NR2F2: variants seen among roughly 807,000 people sequenced by gnomAD.
NR2F2 encodes the protein nuclear receptor subfamily 2 group F member 2.
NR2F2 carries 2 observed loss-of-function variants against 34.8 expected under a neutral mutation model. The ratio of observed to expected loss-of-function variants is 0.06; its 90% confidence interval spans 0.02 to 0.18. NR2F2 has a LOEUF of 0.18. NR2F2 is among the 10% of genes least tolerant of loss of function. The pLI is 1.00. For synonymous variants in NR2F2, 274 were observed against 251.8 expected (o/e 1.09, Z -0.84); for missense variants, 300 against 580.1 (o/e 0.52, Z 4.96).
intron 1 of NR2F2, chr15:96,333,429 G>C (rs1395208004): frequency 1.0e-6 from 1 of 1,002,402 alleles, no homozygotes; most frequent in Non-Finnish European, 1.2e-6. Flanking sequence ...AGTGCCGGCC[G>C]CCTGCTCCCT....
chr15:96,331,532 C>T lies in NR2F2; in HGVS notation c.-574C>T, dbSNP rs1460239558. The T allele has an allele frequency of 1.6e-6, 2 of 1,229,528 alleles. No homozygotes were observed. The highest frequency in any genetic ancestry group is 2.0e-6 in the Non-Finnish European group (2 of 986,954). The allele number at this position is 1,229,528 out of a possible 1,614,324, so 76.2% of individuals were successfully genotyped here. On this transcript the variant is annotated 5_prime_UTR_variant, in exon 1 of 3. Transcript: ENST00000394166. ...CCTGGACTTGGCCCCCGGACAGTCG[C>T]CTCTCCTCCTCCTCTACCTCCTCCT...
At chr15:96,326,739 G>C (rs906230903), upstream of NR2F2, among the ~76,000 whole-genome samples, 4 of 152,184 alleles carry the variant, frequency 2.6e-5, no homozygotes, top group South Asian at 2.1e-4. This position sits in a 1 kb window ranked among gnomAD's most constrained non-coding sequence, Gnocchi z 5.5. Context: ...GCAAGCAGCA[G>C]ATGACTCGGT....
intron 2 of NR2F2, among the ~76,000 whole-genome samples, chr15:96,335,172 G>A (rs540445095): frequency 1.3e-5 from 2 of 152,254 alleles, no homozygotes; most frequent in African/African-American, 4.8e-5. Context: ...GATGTGTCAG[G>A]ATGGGGCAAC....
intron 1 of NR2F2, chr15:96,333,614 C>T: frequency 9.8e-7 from 1 of 1,019,374 alleles, no homozygotes; most frequent in Non-Finnish European, 1.2e-6. Flanking sequence ...GTGGGAGAGT[C>T]GTTCCGGAGT....
At chr15:96,332,629 C>T in intron 1 of NR2F2, 82 bp downstream of exon 1, 1 of 1,535,096 alleles carries the variant, frequency 6.5e-7, no homozygotes, top group Non-Finnish European at 8.8e-7. Flanking sequence ...TGGGTAAGGA[C>T]AAGAAGCCCC....
chr15:96,334,944 C>A (rs932258232), intron 2 of NR2F2, among the ~76,000 whole-genome samples: 2 of 152,238 alleles, frequency 1.3e-5, no homozygotes, highest in Non-Finnish European at 2.9e-5. Context: ...TGCTGGGCCC[C>A]AGGGAATCTC....
In NR2F2 at chr15:96,337,628, T is replaced by A. The variant is rs374721232; in HGVS notation, c.*6T>A. Reference sequence around the variant, plus strand: ...CGTATATGGCAATTCAATAAATAAATAAAATAAGAAGGGGGAGTGAAACAG... The same window carrying A: ...CGTATATGGCAATTCAATAAATAAAAAAAATAAGAAGGGGGAGTGAAACAG... On this transcript the variant is annotated 3_prime_UTR_variant, in exon 3 of 3. Transcript: ENST00000394166. 2.5e-6 allele frequency: 4 copies of A among 1,608,462 alleles called. No homozygotes were observed. Among genetic ancestry groups the A allele is most frequent in the Non-Finnish European group, 3.4e-6 (4 of 1,176,564 alleles).
Position 96,332,313 on chromosome 15 carries a change from AAGCAGC to A in NR2F2, c.219_224del (p.Gln74_Gln75del), listed in dbSNP as rs780808943. ...CGGCCCTGGCGGCCCGGGTAGCGACAAGCAGCAGCAGCAGCAACACATCGAGTGCGT... is the reference window on the plus strand; with the variant it reads ...CGGCCCTGGCGGCCCGGGTAGCGACAAGCAGCAGCAACACATCGAGTGCGT... On this transcript the variant is annotated inframe_deletion, in exon 1 of 3. Coordinates refer to ENST00000394166, the MANE Select transcript of NR2F2 (RefSeq NM_021005.4). 1.9e-6 allele frequency: 3 copies of A among 1,589,086 alleles called. No individual in the cohort carries two copies. Among genetic ancestry groups the A allele is most frequent in the African/African-American group, 2.7e-5 (2 of 74,236 alleles).
Position 96,334,407 on chromosome 15 carries a change from G to A in NR2F2, c.774G>A (p.Ala258=). The change falls in exon 2 of 3, where the codon GCG becomes GCA. Residue 258 remains alanine (A), a synonymous_variant. Transcript: ENST00000394166. ...GCGAGCTGTTTGTGTTGAATGCGGCGCAGTGCTCCATGCCCCTCCACGTCG... is the reference window on the plus strand; with the variant it reads ...GCGAGCTGTTTGTGTTGAATGCGGCACAGTGCTCCATGCCCCTCCACGTCG... ...TWSELFVLNA[A]QCSMPLHVAP... is the part of the protein sequence containing the mutation. 1 of 1,614,094 alleles carries A rather than the reference G, an allele frequency of 6.2e-7. No homozygotes were observed. Among genetic ancestry groups the A allele is most frequent in the Non-Finnish European group, 8.5e-7 (1 of 1,180,000 alleles).
rs559195315 is a variant in NR2F2, at chr15:96,338,923, A to T, written c.*1301A>T. The T allele has an allele frequency of 6.9e-6, 1 of 144,910 alleles. No individual in the cohort carries two copies. The highest frequency in any genetic ancestry group is 1.5e-5 in the Non-Finnish European group (1 of 66,424). The allele number at this position is 144,910 out of a possible 1,614,324, so 9.0% of individuals were successfully genotyped here. ...GGGGGGGCATTTGTTTACTCCCCTC[A>T]GTCAGTTTGTTCAAAGGTGGACTAC... On this transcript the variant is annotated 3_prime_UTR_variant, in exon 3 of 3. Transcript: ENST00000394166.
In NR2F2 at chr15:96,332,070, AG is replaced by A. The variant is rs1899163238; in HGVS notation, c.-32del. The A allele has an allele frequency of 1.6e-6, 2 of 1,251,264 alleles. No homozygotes were observed. Among genetic ancestry groups the A allele is most frequent in the Non-Finnish European group, 2.0e-6 (2 of 996,314 alleles). The allele number at this position is 1,251,264 out of a possible 1,614,324, so 77.5% of individuals were successfully genotyped here. ...CGCCGCCCCGCCGCCGCCCGCAGCC[AG>A]GGGAGCAGGAAGTCCGGACGCAGCC... On this transcript the variant is annotated 5_prime_UTR_variant, in exon 1 of 3. Coordinates refer to ENST00000394166, the MANE Select transcript of NR2F2 (RefSeq NM_021005.4).
intron 2 of NR2F2, among the ~76,000 whole-genome samples, chr15:96,335,093 AC>A (rs1454571603): frequency 6.6e-6 from 1 of 152,256 alleles, no homozygotes; most frequent in Non-Finnish European, 1.5e-5. Flanking sequence ...GGCAAATCCA[AC>A]CTGAGGGCAG....
At chr15:96,327,997 T>C (rs1234169094), upstream of NR2F2, among the ~76,000 whole-genome samples, 1 of 152,226 alleles carries the variant, frequency 6.6e-6, no homozygotes, top group Non-Finnish European at 1.5e-5. Flanking sequence ...TTCTCAGAGC[T>C]TTTTAACCTT....
At chr15:96,333,724 G>A in intron 1 of NR2F2, 2 of 1,242,094 alleles carry the variant, frequency 1.6e-6, no homozygotes, top group African/African-American at 1.5e-5. Context: ...CAATCAATAA[G>A]AAATATCAGC....
In NR2F2 at chr15:96,332,246, C is replaced by T. The variant is rs1311372259; in HGVS notation, c.141C>T (p.Gly47=). The T allele has an allele frequency of 6.5e-7, 1 of 1,540,424 alleles. No homozygotes were observed. The highest frequency in any genetic ancestry group is 8.7e-7 in the Non-Finnish European group (1 of 1,144,536). Residue 47 remains glycine, a synonymous_variant, in exon 1 of 3, where the codon GGC becomes GGT. Coordinates refer to ENST00000394166, the MANE Select transcript of NR2F2 (RefSeq NM_021005.4). The part of the protein sequence containing the change: ...PHTPQTPGQG[G]PASTPAQTAA... ...CGCCACAGACGCCCGGCCAAGGGGG[C>T]CCAGCCAGCACGCCAGCCCAGACGG...
Position 96,331,988 on chromosome 15 carries a change from T to C in NR2F2, c.-118T>C. The C allele has an allele frequency of 2.5e-6, 3 of 1,212,274 alleles. No individual in the cohort carries two copies. Among genetic ancestry groups the C allele is most frequent in the South Asian group, 3.8e-5 (1 of 26,388 alleles). 75.1% of individuals were successfully genotyped at this position (1,212,274 alleles called of 1,614,324 possible). A position where few individuals can be genotyped will look rare whatever the true frequency, so the allele number is the denominator to read the frequency against. ...ACCCGGGGCGCCCTCCCGCGCCCTCTTGCACCCTCGCACACACAAAAGGCG... is the reference window on the plus strand; with the variant it reads ...ACCCGGGGCGCCCTCCCGCGCCCTCCTGCACCCTCGCACACACAAAAGGCG... On this transcript the variant is annotated 5_prime_UTR_variant, in exon 1 of 3. Coordinates refer to ENST00000394166, the MANE Select transcript of NR2F2 (RefSeq NM_021005.4).
upstream of NR2F2, among the ~76,000 whole-genome samples, chr15:96,328,449 A>C (rs1899047005): frequency 6.6e-6 from 1 of 152,174 alleles, no homozygotes; most frequent in Non-Finnish European, 1.5e-5. Flanking sequence ...TTCATCCTCT[A>C]TTGAGATGGG....
At chr15:96,337,136 C>T (rs1201393414) in intron 2 of NR2F2, among the ~76,000 whole-genome samples, 1 of 152,072 alleles carries the variant, frequency 6.6e-6, no homozygotes, top group Non-Finnish European at 1.5e-5. Flanking sequence ...AGGACCATCT[C>T]TTGCTCTTTC....
upstream of NR2F2, among the ~76,000 whole-genome samples, chr15:96,330,312 G>A (rs1899094186): frequency 6.6e-6 from 1 of 151,912 alleles, no homozygotes; most frequent in African/African-American, 2.4e-5. Context: ...CGCTGCGCTA[G>A]TCTCCCCGCC....
Sources: gnomAD v4.1 joint callset for allele counts (sites outside exome capture counted in the v4.1 genomes callset) on GRCh38, gnomAD v4.1.1 for gene constraint, Gnocchi (gnomAD v3.1) non-coding constraint, MANE v1.5 for transcripts, NCBI Gene and HGNC (gene_info 2026-07-23, HGNC 2026-07-21) for gene names.